Variants in PELI2 observed in about 807,000 individuals in gnomAD.
PELI2 encodes E3 ubiquitin-protein ligase pellino homolog 2.
PELI2 carries 23 observed loss-of-function variants against 42.3 expected under a neutral mutation model. The ratio of observed to expected loss-of-function variants is 0.54; its 90% confidence interval spans 0.39 to 0.77. The LOEUF is 0.77. Ranked by LOEUF, PELI2 falls within the 30% of genes least tolerant of loss-of-function variation. The probability of loss-of-function intolerance (pLI) is 0.00; values close to 1 mark genes in which losing one functional copy is unlikely to be tolerated. For missense variants in PELI2, 463 were observed against 553.2 expected (o/e 0.84, Z 1.64); for synonymous variants, 245 against 212.2 (o/e 1.15, Z -1.34).
At chr14:56,129,369 T>C (rs1883397314) in intron 1 of PELI2, among the ~76,000 whole-genome samples, 1 of 152,208 alleles carries the variant, frequency 6.6e-6, no homozygotes, top group Non-Finnish European at 1.5e-5. Flanking sequence ...AAGGGTGAGG[T>C]GAGATAACGT....
At chr14:56,211,401 C>T (rs1886707195) in intron 2 of PELI2, among the ~76,000 whole-genome samples, 1 of 152,198 alleles carries the variant, frequency 6.6e-6, no homozygotes, top group South Asian at 2.1e-4. Flanking sequence ...CTGGGTTACC[C>T]CCTCTACTCC....
rs374131332 is a variant in PELI2 at position 56,221,732 on chromosome 14, AAG to A, written c.207+43271_207+43272del. On this transcript the variant is annotated intron_variant, in intron 2 of 5. Coordinates refer to ENST00000267460, the MANE Select transcript of PELI2 (RefSeq NM_021255.3). Reference sequence around the variant, plus strand: ...TCGGTGAATGGGTGATTCTATAGAGAAGAGTTTTATAAATAGTTGATAATTTA... The same window carrying A: ...TCGGTGAATGGGTGATTCTATAGAGAAGTTTTATAAATAGTTGATAATTTA... Among the ~76,000 whole-genome samples the A allele has an allele frequency of 3.6e-3, 552 of 152,356 alleles. 4 individuals carry two copies. The highest frequency in any genetic ancestry group is 0.012 in the African/African-American group (509 of 41,582).
chr14:56,224,820 G>A (rs900864599), intron 2 of PELI2, among the ~76,000 whole-genome samples: 1 of 150,952 alleles, frequency 6.6e-6, no homozygotes, highest in Non-Finnish European at 1.5e-5. Flanking sequence ...AACACGTGAA[G>A]TATAGTTGAA....
At chr14:56,226,477 C>T (rs748424879) in intron 2 of PELI2, among the ~76,000 whole-genome samples, 2 of 152,168 alleles carry the variant, frequency 1.3e-5, no homozygotes, top group Admixed American at 6.5e-5. Context: ...GGTGAAAAGG[C>T]GCTGTGCTTT....
At chr14:56,280,562 A>G (rs1278352629) in intron 3 of PELI2, among the ~76,000 whole-genome samples, 3 of 152,158 alleles carry the variant, frequency 2.0e-5, no homozygotes, top group African/African-American at 7.2e-5. Context: ...TTAAATTATT[A>G]CATAAATGAT....
rs141989433 is a variant in PELI2, at chr14:56,290,938, A to C, written c.696+482A>C. On this transcript the variant is annotated intron_variant, in intron 5 of 5. Transcript: ENST00000267460. ...TAAGGCAGAATTCTCTATACTGTCCACCAAAATCATAGTTACAACTGTTTA... is the reference window on the plus strand; with the variant it reads ...TAAGGCAGAATTCTCTATACTGTCCCCCAAAATCATAGTTACAACTGTTTA... Among the ~76,000 whole-genome samples the C allele has an allele frequency of 3.4e-3, 518 of 152,322 alleles. 1 individual carries two copies. Among genetic ancestry groups the C allele is most frequent in the African/African-American group, 0.012 (495 of 41,566 alleles).
intron 2 of PELI2, among the ~76,000 whole-genome samples, chr14:56,255,697 G>A (rs1888504167): frequency 6.6e-6 from 1 of 152,186 alleles, no homozygotes; most frequent in African/African-American, 2.4e-5. Flanking sequence ...CAGGATGGAG[G>A]AGATAGTGTT....
intron 2 of PELI2, among the ~76,000 whole-genome samples, chr14:56,256,066 TAA>T: frequency 6.6e-6 from 1 of 152,170 alleles, no homozygotes; most frequent in East Asian, 1.9e-4. Context: ...TCTGTCTAAG[TAA>T]TTTCATCTTA....
chr14:56,296,711 A>C lies in PELI2; in HGVS notation c.808A>C (p.Ile270Leu). ...GLFHTPTQKH[I>L]EALRQEINAA... ...TTTTCATACTCCAACTCAGAAGCACATAGAAGCCCTCCGGCAGGAGATTAA... is the reference window on the plus strand; with the variant it reads ...TTTTCATACTCCAACTCAGAAGCACCTAGAAGCCCTCCGGCAGGAGATTAA... The change falls in exon 6 of 6, where the codon ATA becomes CTA. Residue 270 changes from isoleucine to leucine, a missense_variant. By Grantham distance (5) the Ile-to-Leu change is conservative (BLOSUM62 2). Around this residue, in one of 3 missense-constraint regions of PELI2, gnomAD observed 343 missense variants for 378.4 expected, o/e 0.91. Transcript: ENST00000267460. The C allele has an allele frequency of 6.2e-7, 1 of 1,614,204 alleles. No individual in the cohort carries two copies. The highest frequency in any genetic ancestry group is 8.5e-7 in the Non-Finnish European group (1 of 1,180,030).
intron 1 of PELI2, among the ~76,000 whole-genome samples, chr14:56,156,944 T>G (rs1467387804): frequency 6.6e-6 from 1 of 152,214 alleles, no homozygotes; most frequent in Non-Finnish European, 1.5e-5. Flanking sequence ...AAACTGCTGT[T>G]GTGTTCTGAT....
At chr14:56,189,933 T>C (rs993358610) in intron 2 of PELI2, among the ~76,000 whole-genome samples, 13 of 152,372 alleles carry the variant, frequency 8.5e-5, no homozygotes, top group African/African-American at 2.4e-4. Context: ...CAGGAGAATG[T>C]ACTTACCAAT....
At position 56,219,082 on chromosome 14, in the gene PELI2, C is replaced by T. The variant is rs1382973; in HGVS notation, c.207+40618C>T. Among the ~76,000 whole-genome samples, 94,480 of 151,978 alleles carry T rather than the reference C, an allele frequency of 0.62. 30,590 individuals carry two copies. Among genetic ancestry groups the T allele is most frequent in the African/African-American group, 0.82 (33,850 of 41,476 alleles). On this transcript the variant is annotated intron_variant, in intron 2 of 5. Coordinates refer to ENST00000267460, the MANE Select transcript of PELI2 (RefSeq NM_021255.3). The surrounding 1 kb of genome is among the most constrained non-coding windows in gnomAD (Gnocchi z 4.1). ...TTTCTTTTTCTAAGAATAAACAGAA[C>T]CCTAGGAAGGGAAGGTAGCTTCAAA...
At chr14:56,168,542 C>A (rs933264664) in intron 1 of PELI2, among the ~76,000 whole-genome samples, 1 of 152,134 alleles carries the variant, frequency 6.6e-6, no homozygotes, top group African/African-American at 2.4e-5. Flanking sequence ...GTGAATGCTG[C>A]CTGGCCTGGG....
chr14:56,151,793 T>C (rs1176250607), intron 1 of PELI2, among the ~76,000 whole-genome samples: 2 of 152,200 alleles, frequency 1.3e-5, no homozygotes, highest in African/African-American at 4.8e-5. Flanking sequence ...AAACAAATTA[T>C]TAGTAGTTTA....
chr14:56,227,227 G>C (rs1295329065), intron 2 of PELI2, among the ~76,000 whole-genome samples: 1 of 152,220 alleles, frequency 6.6e-6, no homozygotes, highest in African/African-American at 2.4e-5. Context: ...GGCCAGCTGG[G>C]ATGACTAGGT....
chr14:56,281,669 A>G (rs542503525), intron 3 of PELI2, among the ~76,000 whole-genome samples: 23 of 152,270 alleles, frequency 1.5e-4, no homozygotes, highest in African/African-American at 5.5e-4. Flanking sequence ...TTGTATCACA[A>G]AAGGTTAATG....
intron 1 of PELI2, among the ~76,000 whole-genome samples, chr14:56,160,003 GTTTC>G (rs943770951): frequency 4.0e-5 from 6 of 151,148 alleles, no homozygotes; most frequent in Admixed American, 6.6e-5. Flanking sequence ...TTCATAAACA[GTTTC>G]TTTGTTTTTT....
intron 1 of PELI2, among the ~76,000 whole-genome samples, chr14:56,173,612 G>A (rs1277776820): frequency 3.3e-5 from 5 of 151,980 alleles, no homozygotes; most frequent in African/African-American, 7.3e-5. Context: ...TCAAGGTGTC[G>A]GCAGGGCCCT....
intron 5 of PELI2, among the ~76,000 whole-genome samples, chr14:56,294,248 A>G (rs957072362): frequency 2.0e-5 from 3 of 152,220 alleles, no homozygotes; most frequent in African/African-American, 7.2e-5. Context: ...GATGACAAGT[A>G]GGAGTTTGCC....
Sources: allele counts gnomAD v4.1 joint callset (sites outside exome capture counted in the v4.1 genomes callset), GRCh38; gene constraint gnomAD v4.1.1; regional missense constraint gnomAD v4.1.1; non-coding constraint Gnocchi (gnomAD v3.1); transcripts MANE v1.5; gene names NCBI Gene and HGNC (gene_info 2026-07-23, HGNC 2026-07-21).